Variants in PCDHGB6 observed in about 807,000 individuals in gnomAD.
PCDHGB6 encodes the protein protocadherin gamma subfamily B, 6.
In PCDHGB6, 51 loss-of-function variants were observed where a neutral mutation model predicts 59.1. The ratio of observed to expected loss-of-function variants is 0.86; its 90% CI spans 0.69 to 1.09. The LOEUF is 1.09. PCDHGB6 is among the 50% of genes least tolerant of loss of function. The pLI is 0.00. For missense variants in PCDHGB6, 1,148 were observed against 1,205.1 expected, an observed-to-expected ratio of 0.95 and a Z score of 0.70; for synonymous variants, 466 against 495.1, an observed-to-expected ratio of 0.94 and a Z score of 0.78.
intron 1 of PCDHGB6, among the ~76,000 whole-genome samples, chr5:141,436,884 G>T (rs1041906146): frequency 6.6e-6 from 1 of 152,190 alleles, no homozygotes; most frequent in Non-Finnish European, 1.5e-5. Context: ...AAAAGATGGG[G>T]GAAAGATTTT....
chr5:141,510,847 AG>A, intron 3 of PCDHGB6, 99 bp from the exon 4 acceptor site: 3 of 1,595,350 alleles, frequency 1.9e-6, no homozygotes, highest in Non-Finnish European at 2.6e-6. Context: ...GTCAAGGCCC[AG>A]GGTGCTGTAT....
At position 141,485,632 on chromosome 5, in the gene PCDHGB6, G is replaced by C; in HGVS notation, c.2419-9175G>C. 6.2e-7 allele frequency: 1 copy of C among 1,611,766 alleles called. No individual in the cohort carries two copies. The highest frequency in any genetic ancestry group is 8.5e-7 in the Non-Finnish European group (1 of 1,178,342). ...CAGCTCCTCCAGGACAGCGTTTCCC[G>C]TTGGAAAAGGCTCAGGATGCAGATG... is the stretch of plus-strand genomic sequence containing the variant. On this transcript the variant is annotated intron_variant, in intron 1 of 3. Coordinates refer to ENST00000520790, the MANE Select transcript of PCDHGB6 (RefSeq NM_018926.3). This position sits in a 1 kb window ranked among gnomAD's most constrained non-coding sequence, Gnocchi z 5.7.
intron 1 of PCDHGB6, among the ~76,000 whole-genome samples, chr5:141,465,687 T>C (rs1290838979): frequency 1.3e-5 from 2 of 152,248 alleles, no homozygotes; most frequent in Non-Finnish European, 2.9e-5. Flanking sequence ...TTGACCAGTC[T>C]GCTTTTGCAT....
chr5:141,487,029 T>C lies in PCDHGB6; in HGVS notation c.2419-7778T>C. 1.2e-6 allele frequency: 2 copies of C among 1,614,226 alleles called. No individual in the cohort carries two copies. Among genetic ancestry groups the C allele is most frequent in the Non-Finnish European group, 1.7e-6 (2 of 1,180,040 alleles). ...CTGGAGGCCCCAGATCCCAGCCTGT[T>C]TGCAGTCTCTCGATATGCTGGGGAG... is the stretch of plus-strand genomic sequence containing the variant. On this transcript the variant is annotated intron_variant, in intron 1 of 3. Coordinates refer to ENST00000520790, the MANE Select transcript of PCDHGB6 (RefSeq NM_018926.3). The surrounding 1 kb of genome is among the most constrained non-coding windows in gnomAD (Gnocchi z 5.0).
At chr5:141,424,772 G>A (rs2096839878) in intron 1 of PCDHGB6, 1 of 152,086 alleles carries the variant, frequency 6.6e-6, no homozygotes, top group Non-Finnish European at 1.5e-5. Flanking sequence ...ATGGCAAATA[G>A]TACATTCAGT....
At position 141,422,923 on chromosome 5, in the gene PCDHGB6, C is replaced by T. The variant is rs188787674; in HGVS notation, c.2418+12303C>T. The T allele has an allele frequency of 1.6e-5, 26 of 1,614,252 alleles. No homozygotes were observed. In the East Asian group the frequency reaches 2.5e-4, roughly 15 times the overall value. On this transcript the variant is annotated intron_variant, in intron 1 of 3. Coordinates refer to ENST00000520790, the MANE Select transcript of PCDHGB6 (RefSeq NM_018926.3). ...CGACAATGCGCCCGAGATCCTGTAC[C>T]CTGCCCTCCCCACAGACGGCTCCAC...
At chr5:141,430,633 C>T in intron 1 of PCDHGB6, 1 of 868,018 alleles carries the variant, frequency 1.2e-6, no homozygotes, top group Non-Finnish European at 1.7e-6. Context: ...ATGAACCATC[C>T]CTGGGAGTAT....
chr5:141,438,037 G>A (rs2097925203), intron 1 of PCDHGB6, among the ~76,000 whole-genome samples: 1 of 151,910 alleles, frequency 6.6e-6, no homozygotes, highest in African/African-American at 2.4e-5. Flanking sequence ...CACCATGCCC[G>A]ACCACTTTGA....
At chr5:141,475,448 G>A (rs774710049) in intron 1 of PCDHGB6, among the ~76,000 whole-genome samples, 1 of 152,214 alleles carries the variant, frequency 6.6e-6, no homozygotes, top group Non-Finnish European at 1.5e-5. Flanking sequence ...CAGATAATGA[G>A]GAAGTGACAG....
intron 1 of PCDHGB6, chr5:141,412,915 T>C (rs1167427710): frequency 2.0e-5 from 8 of 407,356 alleles, no homozygotes; most frequent in Non-Finnish European, 2.6e-5. Flanking sequence ...ATGTATCACT[T>C]GGGTGCAGTA....
intron 1 of PCDHGB6, chr5:141,418,232 G>A (rs1034684988): frequency 6.2e-7 from 1 of 1,614,066 alleles, no homozygotes; most frequent in Non-Finnish European, 8.5e-7. Flanking sequence ...GGTGATTGAG[G>A]ATGTTAATGA....
At chr5:141,413,623 G>A (rs1454358985) in intron 1 of PCDHGB6, 2 of 1,613,752 alleles carry the variant, frequency 1.2e-6, no homozygotes, top group African/African-American at 1.3e-5. Flanking sequence ...TAATGAAAAT[G>A]TCGCTGCGGG....
At chr5:141,478,133 G>T (rs769287158) in intron 1 of PCDHGB6, 1 of 1,614,060 alleles carries the variant, frequency 6.2e-7, no homozygotes, top group Non-Finnish European at 8.5e-7. Flanking sequence ...CTCTCCTGAA[G>T]CCCGAGCCGA....
chr5:141,410,019 A>C lies in PCDHGB6; in HGVS notation c.1817A>C (p.Tyr606Ser). 2 of 1,613,204 alleles carry C rather than the reference A, an allele frequency of 1.2e-6. No homozygotes were observed. Among genetic ancestry groups the C allele is most frequent in the African/African-American group, 2.7e-5 (2 of 75,016 alleles). The change falls in exon 1 of 4, where the codon TAC (tyrosine) becomes TCC (serine). Residue 606 changes from tyrosine (Y) to serine (S), a missense_variant. Tyr to Ser is a moderately radical substitution (Grantham distance 144). Transcript: ENST00000520790. ...ADSGHNAWLS[Y>S]HVLQASEPGL... ...TCGGGACACAACGCCTGGCTGTCCT[A>C]CCACGTGCTGCAGGCCAGTGAGCCC...
intron 1 of PCDHGB6, chr5:141,414,168 T>C: frequency 6.2e-7 from 1 of 1,605,598 alleles, no homozygotes; most frequent in Non-Finnish European, 8.5e-7. Context: ...GAGGAGCATA[T>C]CTTGCAACTG....
intron 1 of PCDHGB6, chr5:141,433,284 C>T: frequency 8.5e-7 from 1 of 1,176,236 alleles, no homozygotes; most frequent in Non-Finnish European, 1.2e-6. Flanking sequence ...GCCTCAAACT[C>T]CTAGGCTCAA....
At position 141,486,028 on chromosome 5, in the gene PCDHGB6, C is replaced by T; in HGVS notation, c.2419-8779C>T. On this transcript the variant is annotated intron_variant, in intron 1 of 3. Transcript: ENST00000520790. This position sits in a 1 kb window ranked among gnomAD's most constrained non-coding sequence, Gnocchi z 5.0. ...TCACCTTTTATTTCAGTGGTCATAC[C>T]CCTGATCGTGTAAGAAACCTCTTTA... The T allele has an allele frequency of 6.2e-7, 1 of 1,614,134 alleles. No individual in the cohort carries two copies. Among genetic ancestry groups the T allele is most frequent in the Non-Finnish European group, 8.5e-7 (1 of 1,180,020 alleles).
Position 141,489,992 on chromosome 5 carries a change from TC to T in PCDHGB6, c.2419-4812del. The T allele has an allele frequency of 6.2e-7, 1 of 1,614,216 alleles. No individual in the cohort carries two copies. The highest frequency in any genetic ancestry group is 8.5e-7 in the Non-Finnish European group (1 of 1,180,016). On this transcript the variant is annotated intron_variant, in intron 1 of 3. Coordinates refer to ENST00000520790, the MANE Select transcript of PCDHGB6 (RefSeq NM_018926.3). The surrounding 1 kb of genome is among the most constrained non-coding windows in gnomAD (Gnocchi z 4.5). The stretch of plus-strand genomic sequence containing the variant: ...CAATCCTCAGTTCTACGTGTGGGAA[TC>T]CCAGAGAATGCACCCATTGGTACTC...
chr5:141,449,300 T>C (rs2098635283), intron 1 of PCDHGB6, among the ~76,000 whole-genome samples: 1 of 152,090 alleles, frequency 6.6e-6, no homozygotes, highest in Non-Finnish European at 1.5e-5. Flanking sequence ...GGGTGAATTA[T>C]ATGTATTATA....
Sources: allele counts gnomAD v4.1 joint callset (sites outside exome capture counted in the v4.1 genomes callset), GRCh38; gene constraint gnomAD v4.1.1; non-coding constraint Gnocchi (gnomAD v3.1); transcripts MANE v1.5; gene names NCBI Gene and HGNC (gene_info 2026-07-23, HGNC 2026-07-21).